The following RNF38 variants were observed in gnomAD, a reference collection of about 807,000 sequenced individuals.
RNF38 encodes the protein ring finger protein 38.
A neutral mutation model predicts 67.2 loss-of-function variants in RNF38; 15 were observed. That is an observed-to-expected ratio of 0.22 (90% CI 0.15 to 0.34). The LOEUF (loss-of-function observed/expected upper bound fraction) is 0.34, where lower values mean the gene tolerates loss of function less well. Among genes scored for constraint, RNF38 ranks in the 10% least tolerant of loss-of-function variants. The probability of loss-of-function intolerance (pLI) is 1.00; values close to 1 mark genes in which losing one functional copy is unlikely to be tolerated. For synonymous variants in RNF38, 220 were observed against 218.8 expected (o/e 1.01, Z -0.05); for missense variants, 524 against 639.9 (o/e 0.82, Z 1.95).
At chr9:36,438,258 G>C (rs11791091) in intron 1 of RNF38, among the ~76,000 whole-genome samples, 1 of 152,118 alleles carries the variant, frequency 6.6e-6, no homozygotes, top group African/African-American at 2.4e-5. Flanking sequence ...CTTTTTATCA[G>C]ACCTTCAAAG....
chr9:36,399,087 G>A (rs1837780844), intron 1 of RNF38, among the ~76,000 whole-genome samples: 1 of 152,182 alleles, frequency 6.6e-6, no homozygotes, highest in Admixed American at 6.5e-5. Context: ...GTCTGACTAT[G>A]CCATCTTGTT....
At chr9:36,364,462 CAAAAAAGAT>C in intron 4 of RNF38, among the ~76,000 whole-genome samples, 1 of 151,970 alleles carries the variant, frequency 6.6e-6, no homozygotes, top group Admixed American at 6.6e-5. Flanking sequence ...TATCTAAACA[CAAAAAAGAT>C]ATAGTAAAAA....
chr9:36,431,786 G>A (rs902897229), intron 1 of RNF38, among the ~76,000 whole-genome samples: 13 of 152,162 alleles, frequency 8.5e-5, no homozygotes, highest in African/African-American at 3.1e-4. Context: ...TCTCTCTGGA[G>A]GGATGCTGGG....
At chr9:36,377,398 C>T (rs1835869005) in intron 2 of RNF38, among the ~76,000 whole-genome samples, 1 of 152,134 alleles carries the variant, frequency 6.6e-6, no homozygotes. Flanking sequence ...TAAATCAGAA[C>T]TGATTATTTA....
chr9:36,421,888 T>C (rs1838638514), intron 2 of RNF38, among the ~76,000 whole-genome samples: 1 of 152,030 alleles, frequency 6.6e-6, no homozygotes, highest in African/African-American at 2.4e-5. Flanking sequence ...TTTTTAAATA[T>C]GATATCCACC....
At chr9:36,401,067 C>G, upstream of RNF38, 1 of 984,882 alleles carries the variant, frequency 1.0e-6, no homozygotes, top group Non-Finnish European at 1.2e-6. Context: ...CCGGGTCGCC[C>G]GTCCCACCCC....
At chr9:36,485,131 T>C (rs1302038916) in intron 1 of RNF38, among the ~76,000 whole-genome samples, 1 of 152,206 alleles carries the variant, frequency 6.6e-6, no homozygotes, top group Non-Finnish European at 1.5e-5. Context: ...ATCACGCCAC[T>C]GCACTCCAGC....
At chr9:36,423,928 G>A (rs1221572722) in intron 2 of RNF38, among the ~76,000 whole-genome samples, 4 of 19,280 alleles carry the variant, frequency 2.1e-4, no homozygotes, top group East Asian at 9.1e-4. Flanking sequence ...CAGCCTGGGC[G>A]ACAGAGCGAG....
intron 1 of RNF38, among the ~76,000 whole-genome samples, chr9:36,397,081 G>GTATATATA (rs1554690248): frequency 7.1e-6 from 1 of 141,648 alleles, no homozygotes; most frequent in African/African-American, 2.6e-5. Context: ...ATGTGTGTGT[G>GTATATATA]TATATATATA....
chr9:36,357,418 G>A (rs1834211997), intron 5 of RNF38, among the ~76,000 whole-genome samples: 1 of 152,204 alleles, frequency 6.6e-6, no homozygotes, highest in African/African-American at 2.4e-5. Flanking sequence ...TAAGGTCTCT[G>A]AGACTTAGGC....
chr9:36,410,171 TA>T (rs1000364637), intron 2 of RNF38, among the ~76,000 whole-genome samples: 2 of 152,318 alleles, frequency 1.3e-5, no homozygotes, highest in African/African-American at 4.8e-5. Context: ...AATCATATAC[TA>T]AATAAATTCC....
intron 1 of RNF38, among the ~76,000 whole-genome samples, chr9:36,485,913 G>A (rs776168031): frequency 2.0e-5 from 3 of 152,082 alleles, no homozygotes; most frequent in South Asian, 2.1e-4. Flanking sequence ...AAGCTAGAAC[G>A]TTTCTATAAA....
chr9:36,400,877 G>A (rs1183643850), upstream of RNF38: 49 of 984,330 alleles, frequency 5.0e-5, no homozygotes, highest in Non-Finnish European at 5.8e-5. Flanking sequence ...ACCGCACTAG[G>A]GGCCCGGCCC....
upstream of RNF38, chr9:36,400,408 G>A (rs1293466033): frequency 4.4e-6 from 5 of 1,129,256 alleles, no homozygotes; most frequent in Admixed American, 9.5e-5. Context: ...AGCTGAGACC[G>A]CGCCTCCTCG....
intron 1 of RNF38, among the ~76,000 whole-genome samples, chr9:36,441,661 T>G (rs1385616370): frequency 6.6e-6 from 1 of 152,130 alleles, no homozygotes; most frequent in East Asian, 1.9e-4. Flanking sequence ...TAATATCACC[T>G]AGGATGGATT....
chr9:36,447,875 A>G (rs559704853), intron 1 of RNF38, among the ~76,000 whole-genome samples: 1 of 152,356 alleles, frequency 6.6e-6, no homozygotes, highest in South Asian at 2.1e-4. Flanking sequence ...ACTGAACTTC[A>G]TAATTGGGTT....
intron 1 of RNF38, among the ~76,000 whole-genome samples, chr9:36,449,318 A>G (rs1292987232): frequency 6.6e-6 from 1 of 151,648 alleles, no homozygotes; most frequent in Non-Finnish European, 1.5e-5. Flanking sequence ...ATAATCCTAG[A>G]TATTTGGGAG....
intron 2 of RNF38, among the ~76,000 whole-genome samples, chr9:36,419,144 T>C (rs1344117992): frequency 1.3e-5 from 2 of 152,218 alleles, no homozygotes; most frequent in African/African-American, 4.8e-5. Context: ...TGGAACATTT[T>C]GGATTTTCAG....
At chr9:36,426,597 A>G (rs181715697) in intron 1 of RNF38, among the ~76,000 whole-genome samples, 109 of 152,342 alleles carry the variant, frequency 7.2e-4, no homozygotes, top group African/African-American at 2.2e-3. Flanking sequence ...ACATCCATTT[A>G]TAAGTTTTTG....
Sources: gnomAD v4.1 joint callset for allele counts (sites outside exome capture counted in the v4.1 genomes callset) on GRCh38, gnomAD v4.1.1 for gene constraint, MANE v1.5 for transcripts, NCBI Gene and HGNC (gene_info 2026-07-23, HGNC 2026-07-21) for gene names.